PCNX2: variants seen among roughly 807,000 people sequenced by gnomAD.
PCNX2 encodes pecanex 2.
A neutral mutation model predicts 223.8 loss-of-function variants in PCNX2; 168 were observed. The ratio of observed to expected loss-of-function variants is 0.75; its 90% CI spans 0.66 to 0.85. The LOEUF is 0.85. Among genes scored for constraint, PCNX2 ranks in the 40% least tolerant of loss-of-function variants. The probability of loss-of-function intolerance (pLI) is 0.00; values close to 1 mark genes in which losing one functional copy is unlikely to be tolerated. For missense variants in PCNX2, 2,507 were observed against 2,675.5 expected (o/e 0.94, Z 1.39); for synonymous variants, 1,006 against 1,052.6 (o/e 0.96, Z 0.86).
At chr1:233,178,974 A>G in intron 16 of PCNX2, 92 bp downstream of exon 16, 1 of 1,111,374 alleles carries the variant, frequency 9.0e-7, no homozygotes, top group African/African-American at 1.5e-5. Flanking sequence ...ATGGGCAGTG[A>G]ATTGCTGTCT....
Position 233,276,220 on chromosome 1 carries a change from G to A in PCNX2, c.154-13057C>T, listed in dbSNP as rs370846946. On this transcript the variant is annotated intron_variant, in intron 1 of 33. Transcript: ENST00000258229. ...ATATTAAGTCAAATAAGGCAATCACGAACAAGCAAATTCTGCATGGTTCCA... is the reference window on the plus strand; with the variant it reads ...ATATTAAGTCAAATAAGGCAATCACAAACAAGCAAATTCTGCATGGTTCCA... Among the ~76,000 whole-genome samples the A allele has an allele frequency of 1.2e-4, 18 of 152,096 alleles. 1 individual carries two copies. The East Asian group carries it at 1.5e-3, about 13-fold the overall frequency.
At chr1:233,161,937 A>G (rs975689113) in intron 17 of PCNX2, among the ~76,000 whole-genome samples, 4 of 149,234 alleles carry the variant, frequency 2.7e-5, no homozygotes, top group African/African-American at 9.8e-5. Flanking sequence ...GGTGAATTAA[A>G]GAAACCACTT....
At chr1:232,996,307 G>A (rs912211969) in intron 32 of PCNX2, among the ~76,000 whole-genome samples, 2 of 152,162 alleles carry the variant, frequency 1.3e-5, no homozygotes, top group Non-Finnish European at 2.9e-5. Flanking sequence ...AAGTCACCTG[G>A]AAGTACTGGC....
At chr1:233,152,152 G>C (rs899277171) in intron 19 of PCNX2, among the ~76,000 whole-genome samples, 2 of 152,138 alleles carry the variant, frequency 1.3e-5, no homozygotes, top group African/African-American at 4.8e-5. Context: ...GGGGAAGAGA[G>C]GGTGCAGGAA....
At chr1:233,174,860 T>C (rs1173816665) in intron 17 of PCNX2, among the ~76,000 whole-genome samples, 1 of 152,194 alleles carries the variant, frequency 6.6e-6, no homozygotes, top group Non-Finnish European at 1.5e-5. Flanking sequence ...GTGCATAACT[T>C]ATCTTGCTCA....
At chr1:233,119,547 T>G (rs1675636756) in intron 21 of PCNX2, among the ~76,000 whole-genome samples, 1 of 144,990 alleles carries the variant, frequency 6.9e-6, no homozygotes, top group East Asian at 2.0e-4. Flanking sequence ...ATCCCGCCAC[T>G]GCACTCCAGC....
In PCNX2 at chr1:233,060,627, G is replaced by A. The variant is rs528318622; in HGVS notation, c.4077-3337C>T. Among the ~76,000 whole-genome samples the A allele has an allele frequency of 3.2e-3, 489 of 152,308 alleles. 4 individuals carry two copies. The highest frequency in any genetic ancestry group is 0.011 in the African/African-American group (472 of 41,572). ...CCCCTCAAAGGTGCTAATTAGCTCA[G>A]TAATTGGATTTCTGCCTTAACTGTC... On this transcript the variant is annotated intron_variant, in intron 23 of 33. Coordinates refer to ENST00000258229, the MANE Select transcript of PCNX2 (RefSeq NM_014801.4).
chr1:233,200,064 A>G (rs1680974331), intron 14 of PCNX2, 90 bp downstream of exon 14: 15 of 1,054,776 alleles, frequency 1.4e-5, no homozygotes, highest in Non-Finnish European at 2.0e-5. Context: ...AAGAAAACCT[A>G]ACTAGCCTCT....
intron 8 of PCNX2, among the ~76,000 whole-genome samples, chr1:233,240,136 G>T (rs557564398): frequency 1.3e-5 from 2 of 152,142 alleles, no homozygotes; most frequent in Admixed American, 1.3e-4. Context: ...AAATGGAGAC[G>T]TTTCCCTTAT....
chr1:232,988,515 T>C (rs1390731159), intron 32 of PCNX2, among the ~76,000 whole-genome samples: 1 of 152,182 alleles, frequency 6.6e-6, no homozygotes, highest in African/African-American at 2.4e-5. Flanking sequence ...TATTTTACAA[T>C]TTAACTTATT....
chr1:233,145,303 C>A (rs557046740), intron 19 of PCNX2, among the ~76,000 whole-genome samples: 6 of 152,260 alleles, frequency 3.9e-5, no homozygotes, highest in African/African-American at 1.4e-4. Flanking sequence ...TGATCACATT[C>A]TCCTATGGTT....
upstream of PCNX2, among the ~76,000 whole-genome samples, chr1:233,299,924 A>AAAC (rs961269629): frequency 6.6e-6 from 1 of 152,312 alleles, no homozygotes; most frequent in African/African-American, 2.4e-5. Context: ...CACATTCAGA[A>AAAC]AACAACAACA....
chr1:233,275,828 G>A (rs986051477), intron 1 of PCNX2, among the ~76,000 whole-genome samples: 3 of 151,730 alleles, frequency 2.0e-5, no homozygotes, highest in African/African-American at 4.8e-5. Flanking sequence ...TCAGGAGATC[G>A]AGACCATCCT....
At chr1:233,070,847 T>G (rs1334825065) in intron 23 of PCNX2, among the ~76,000 whole-genome samples, 1 of 151,880 alleles carries the variant, frequency 6.6e-6, no homozygotes, top group African/African-American at 2.4e-5. Flanking sequence ...CCATCCTGGC[T>G]AACACGGTGA....
intron 28 of PCNX2, among the ~76,000 whole-genome samples, chr1:233,009,150 C>G (rs932434438): frequency 6.6e-6 from 1 of 152,170 alleles, no homozygotes; most frequent in Non-Finnish European, 1.5e-5. Flanking sequence ...CCAATAATAC[C>G]TATCTCATCA....
At chr1:233,065,323 AT>A (rs1260201967) in intron 23 of PCNX2, 1 of 152,206 alleles carries the variant, frequency 6.6e-6, no homozygotes, top group African/African-American at 2.4e-5. Flanking sequence ...CTGAAAGTCT[AT>A]TTGAGGCCTG....
the PCNX2 span, among the ~76,000 whole-genome samples, chr1:233,304,720 A>G: frequency 6.6e-6 from 1 of 152,222 alleles, no homozygotes; most frequent in Non-Finnish European, 1.5e-5. Flanking sequence ...AGAATGTAGT[A>G]AAATAAAATA....
At chr1:233,071,846 T>C (rs1447764932) in intron 23 of PCNX2, among the ~76,000 whole-genome samples, 2 of 152,348 alleles carry the variant, frequency 1.3e-5, no homozygotes, top group Non-Finnish European at 2.9e-5. Flanking sequence ...TTCTGACTAG[T>C]GTGAGATGGT....
At chr1:233,251,820 G>T (rs7546115) in intron 7 of PCNX2, among the ~76,000 whole-genome samples, 94,561 of 152,106 alleles carry the variant, frequency 0.62, 29,524 homozygotes, top group African/African-American at 0.68. Flanking sequence ...TCCCTTATCC[G>T]TTGAACTTTG....
Sources: allele counts gnomAD v4.1 joint callset (sites outside exome capture counted in the v4.1 genomes callset), GRCh38; gene constraint gnomAD v4.1.1; transcripts MANE v1.5; gene names NCBI Gene and HGNC (gene_info 2026-07-23, HGNC 2026-07-21).